The following GRIA4 variants were observed in gnomAD, a reference collection of about 807,000 sequenced individuals.
The protein encoded by GRIA4 is glutamate ionotropic receptor AMPA type subunit 4.
Under a neutral mutation model 104.0 loss-of-function variants are expected in GRIA4, and 34 were observed. That is an observed-to-expected ratio of 0.33 (90% CI 0.25 to 0.44). The LOEUF (loss-of-function observed/expected upper bound fraction) is 0.44. Among genes scored for constraint, GRIA4 ranks in the 20% least tolerant of loss-of-function variants. The pLI is 1.00. For missense variants in GRIA4, 750 were observed against 1,096.5 expected (o/e 0.68, Z 4.46); for synonymous variants, 386 against 381.9 (o/e 1.01, Z -0.13).
intron 3 of GRIA4, among the ~76,000 whole-genome samples, chr11:105,615,320 T>G (rs1950573769): frequency 2.0e-5 from 3 of 151,926 alleles, no homozygotes; most frequent in African/African-American, 7.2e-5. Context: ...AGAGTTTACA[T>G]GCTCATAAGT....
intron 3 of GRIA4, among the ~76,000 whole-genome samples, chr11:105,710,529 A>T (rs566852156): frequency 6.6e-6 from 1 of 152,318 alleles, no homozygotes; most frequent in South Asian, 2.1e-4. Flanking sequence ...TGAGTATCTT[A>T]GATGTGAAAT....
intron 8 of GRIA4, among the ~76,000 whole-genome samples, chr11:105,904,584 GTTTA>G (rs1429904768): frequency 6.6e-6 from 1 of 152,042 alleles, no homozygotes; most frequent in Non-Finnish European, 1.5e-5. Context: ...GGATTAAGTA[GTTTA>G]TTTTAGTCTT....
chr11:105,899,474 T>C (rs557692897), intron 7 of GRIA4, among the ~76,000 whole-genome samples: 64 of 152,356 alleles, frequency 4.2e-4, no homozygotes, highest in Admixed American at 1.8e-3. Flanking sequence ...TATTTGATTA[T>C]ATCCAACTAG....
chr11:105,684,532 A>C (rs867589254), intron 3 of GRIA4, among the ~76,000 whole-genome samples: 2 of 57,984 alleles, frequency 3.4e-5, no homozygotes, highest in Non-Finnish European at 7.7e-5. Context: ...AAATAAGGCA[A>C]ATATATATAT....
At chr11:105,814,603 C>A (rs756760729) in intron 4 of GRIA4, among the ~76,000 whole-genome samples, 1 of 151,802 alleles carries the variant, frequency 6.6e-6, no homozygotes, top group Non-Finnish European at 1.5e-5. Context: ...ATATAAAATG[C>A]GTAGTAGAGT....
intron 3 of GRIA4, among the ~76,000 whole-genome samples, chr11:105,683,497 T>C (rs999508295): frequency 3.9e-5 from 6 of 152,192 alleles, no homozygotes; most frequent in East Asian, 1.9e-4. Flanking sequence ...GTAAAAACAA[T>C]GTATAACTCA....
At chr11:105,922,859 C>T (rs1947603570) in intron 11 of GRIA4, among the ~76,000 whole-genome samples, 1 of 152,070 alleles carries the variant, frequency 6.6e-6, no homozygotes, top group Admixed American at 6.6e-5. Context: ...GATTTTTCTA[C>T]AGCTAGTTCA....
intron 3 of GRIA4, among the ~76,000 whole-genome samples, chr11:105,655,873 G>T (rs1951829247): frequency 6.6e-6 from 1 of 152,024 alleles, no homozygotes; most frequent in Admixed American, 6.6e-5. Context: ...GGGTCAAATG[G>T]TATTTCTATT....
intron 3 of GRIA4, among the ~76,000 whole-genome samples, chr11:105,652,353 C>T (rs1459917693): frequency 1.3e-5 from 2 of 152,166 alleles, no homozygotes; most frequent in Non-Finnish European, 2.9e-5. Flanking sequence ...TCAGATCCTT[C>T]TCAAGCTTTT....
At chr11:105,809,284 C>T (rs984761411) in intron 4 of GRIA4, among the ~76,000 whole-genome samples, 2 of 152,128 alleles carry the variant, frequency 1.3e-5, no homozygotes, top group African/African-American at 2.4e-5. Flanking sequence ...TTGATACAAG[C>T]ATACAAAGTG....
intron 4 of GRIA4, among the ~76,000 whole-genome samples, chr11:105,793,673 C>CTT (rs1303119473): frequency 1.3e-5 from 2 of 152,122 alleles, no homozygotes; most frequent in East Asian, 3.9e-4. Context: ...TTCTGGAGAA[C>CTT]TTTAGCTCTA....
At chr11:105,908,649 T>C (rs1240234925) in intron 9 of GRIA4, among the ~76,000 whole-genome samples, 1 of 152,044 alleles carries the variant, frequency 6.6e-6, no homozygotes, top group South Asian at 2.1e-4. Context: ...TTATTTTAAT[T>C]TGCCAGCACT....
chr11:105,970,304 A>T (rs953660766), intron 14 of GRIA4, among the ~76,000 whole-genome samples: 1 of 151,856 alleles, frequency 6.6e-6, no homozygotes, highest in African/African-American at 2.4e-5. Context: ...GTATTTTAGA[A>T]TTTTTTTCAA....
chr11:105,743,270 T>C (rs1225108690), intron 3 of GRIA4, among the ~76,000 whole-genome samples: 3 of 152,200 alleles, frequency 2.0e-5, no homozygotes, highest in South Asian at 2.1e-4. Context: ...TACACTACTT[T>C]AAAATAACCA....
intron 3 of GRIA4, among the ~76,000 whole-genome samples, chr11:105,696,881 C>T (rs1323158771): frequency 6.6e-6 from 1 of 152,014 alleles, no homozygotes; most frequent in African/African-American, 2.4e-5. Flanking sequence ...TCTTCTGCCT[C>T]AGCCCCCCAA....
chr11:105,951,070 T>G (rs997876634), intron 14 of GRIA4, among the ~76,000 whole-genome samples: 15 of 152,202 alleles, frequency 9.9e-5, no homozygotes, highest in African/African-American at 3.6e-4. Flanking sequence ...ACCTACATTT[T>G]GATTCAAAAA....
intron 14 of GRIA4, among the ~76,000 whole-genome samples, chr11:105,935,825 A>C (rs892455186): frequency 2.0e-5 from 3 of 152,114 alleles, no homozygotes; most frequent in Admixed American, 6.6e-5. Context: ...CACTTTGTCA[A>C]ATCCACACTA....
At position 105,860,641 on chromosome 11, in the gene GRIA4, ATT is replaced by A. The variant is rs1591362089; in HGVS notation, c.488-1382_488-1381del. 2.0e-5 allele frequency among the ~76,000 whole-genome samples: 3 copies of A among 152,046 alleles called. No homozygotes were observed. The East Asian group carries it at 5.8e-4, about 29-fold the overall frequency. ...TATAAATTCAAAGAATCTTTTTTTTATTCTTCTCTCACATTACAATTCAAAAA... is the reference window on the plus strand; with the variant it reads ...TATAAATTCAAAGAATCTTTTTTTTACTTCTCTCACATTACAATTCAAAAA... On this transcript the variant is annotated intron_variant, in intron 4 of 16. Transcript: ENST00000282499.
chr11:105,967,603 AAGT>A (rs1208283041), intron 14 of GRIA4, among the ~76,000 whole-genome samples: 49 of 152,166 alleles, frequency 3.2e-4, no homozygotes, highest in African/African-American at 1.2e-3. Flanking sequence ...AAATTTTAAC[AAGT>A]AGGTTTCCAA....
Sources: allele counts gnomAD v4.1 joint callset (sites outside exome capture counted in the v4.1 genomes callset), GRCh38; gene constraint gnomAD v4.1.1; transcripts MANE v1.5; gene names NCBI Gene and HGNC (gene_info 2026-07-23, HGNC 2026-07-21).